Variants in TNRC6B observed in about 807,000 individuals in gnomAD.
The protein encoded by TNRC6B is trinucleotide repeat-containing gene 6B protein.
In TNRC6B, 52 loss-of-function variants were observed where a neutral mutation model predicts 203.6. The ratio of observed to expected loss-of-function variants is 0.26; its 90% CI spans 0.20 to 0.32. TNRC6B has a LOEUF of 0.32. TNRC6B is among the 10% of genes least tolerant of loss of function. The pLI is 1.00. For synonymous variants in TNRC6B, 838 were observed against 845.7 expected (o/e 0.99, Z 0.16); for missense variants, 1,923 against 2,286.2 (o/e 0.84, Z 3.24).
At chr22:40,312,681 C>A (rs772482357) in intron 18 of TNRC6B, 30 bp downstream of exon 18, 23 of 1,586,222 alleles carry the variant, frequency 1.4e-5, no homozygotes, top group Admixed American at 1.1e-4. Context: ...CTTATATGTT[C>A]AACACCCAGC....
At position 40,050,317 on chromosome 22, in the gene TNRC6B, A is replaced by G. The variant is rs372076397; in HGVS notation, c.-121+5319A>G. On this transcript the variant is annotated intron_variant, in intron 1 of 23. Transcript: ENST00000301923. ...GGTTTGGGATTTTACTTTTTATCCT[A>G]TGAGGCTCTGTGTGTTCTGGCCTCC... 3.1e-4 allele frequency among the ~76,000 whole-genome samples: 47 copies of G among 152,246 alleles called. 1 individual carries two copies. Among genetic ancestry groups the G allele is most frequent in the Middle Eastern group, 3.4e-3 (1 of 294 alleles).
At chr22:40,278,920 T>C (rs1442789157) in intron 9 of TNRC6B, among the ~76,000 whole-genome samples, 1 of 152,220 alleles carries the variant, frequency 6.6e-6, no homozygotes, top group Non-Finnish European at 1.5e-5. Context: ...TTTGTATTTT[T>C]AGTAGGGACG....
chr22:40,329,161 C>G lies in TNRC6B; in HGVS notation c.*5920C>G, dbSNP rs1275426838. The G allele has an allele frequency of 1.4e-4, 21 of 152,224 alleles. No individual in the cohort carries two copies. The highest frequency in any genetic ancestry group is 1.4e-3 in the Admixed American group (21 of 15,290). 9.4% of individuals were successfully genotyped at this position (152,224 alleles called of 1,614,324 possible). On this transcript the variant is annotated 3_prime_UTR_variant, in exon 23 of 23. Coordinates refer to ENST00000454349, the MANE Select transcript of TNRC6B (RefSeq NM_001162501.2). ...GTGTATACAATGAATTGTCAGTCTTCAGACCTCATGGTCGTTAAGAAAATA... is the reference window on the plus strand; with the variant it reads ...GTGTATACAATGAATTGTCAGTCTTGAGACCTCATGGTCGTTAAGAAAATA...
At chr22:40,060,938 AGAG>A (rs1244226385) in intron 1 of TNRC6B, among the ~76,000 whole-genome samples, 1 of 152,166 alleles carries the variant, frequency 6.6e-6, no homozygotes, top group African/African-American at 2.4e-5. Context: ...CATGGTAGGT[AGAG>A]TTTAGACACA....
chr22:40,327,071 C>G lies in TNRC6B; in HGVS notation c.*3830C>G, dbSNP rs2071412734. On this transcript the variant is annotated 3_prime_UTR_variant, in exon 23 of 23. Coordinates refer to ENST00000454349, the MANE Select transcript of TNRC6B (RefSeq NM_001162501.2). ...GGGGCCAGGGGTCAGAATTCCCAAG[C>G]ATGACCACAGCTTCTTTTAAACATT... 6.6e-6 allele frequency: 1 copy of G among 152,652 alleles called. No homozygotes were observed. Among genetic ancestry groups the G allele is most frequent in the South Asian group, 2.1e-4 (1 of 4,834 alleles). 9.5% of individuals were successfully genotyped at this position (152,652 alleles called of 1,614,324 possible). A position where few individuals can be genotyped will look rare whatever the true frequency, so the allele number is the denominator to read the frequency against.
chr22:40,116,468 A>G (rs1381908373), intron 1 of TNRC6B, among the ~76,000 whole-genome samples: 1 of 152,220 alleles, frequency 6.6e-6, no homozygotes, highest in East Asian at 1.9e-4. Context: ...TATTTACTGC[A>G]TTTACTAGCA....
rs747645040 is a variant in TNRC6B at position 40,264,732 on chromosome 22, A to T, written c.502A>T (p.Thr168Ser). The change falls in exon 5 of 23, where the codon ACT becomes TCT. Residue 168 changes from threonine (T) to serine (S), a missense_variant. Transcript: ENST00000454349. ...TGCTGCTTCAAATTATGCAAATTCC[A>T]CTTGGGGCTCGGGAGCCTCCTCCAA... Reference protein sequence around the residue: ...GAAASNYANSTWGSGASSNNG... With the variant: ...GAAASNYANSSWGSGASSNNG... 1 of 1,607,632 alleles carries T rather than the reference A, an allele frequency of 6.2e-7. No homozygotes were observed. The highest frequency in any genetic ancestry group is 1.1e-5 in the South Asian group (1 of 90,540).
chr22:40,095,566 C>G (rs1034702897), intron 1 of TNRC6B, among the ~76,000 whole-genome samples: 5 of 151,882 alleles, frequency 3.3e-5, no homozygotes, highest in African/African-American at 1.2e-4. Context: ...ACCACAATTG[C>G]CATGATTACG....
intron 1 of TNRC6B, among the ~76,000 whole-genome samples, chr22:40,236,635 T>A (rs1251609114): frequency 6.6e-6 from 1 of 152,184 alleles, no homozygotes; most frequent in African/African-American, 2.4e-5. Flanking sequence ...CATCCAGACC[T>A]TAATGGAAGG....
intron 1 of TNRC6B, among the ~76,000 whole-genome samples, chr22:40,102,819 C>T (rs1449822818): frequency 6.6e-6 from 1 of 152,124 alleles, no homozygotes; most frequent in Admixed American, 6.5e-5. Context: ...TGGCTCACAC[C>T]TGTAATCCCA....
intron 1 of TNRC6B, among the ~76,000 whole-genome samples, chr22:40,214,686 A>G (rs1042827064): frequency 4.6e-5 from 7 of 152,056 alleles, no homozygotes; most frequent in African/African-American, 1.4e-4. Context: ...TTAAGTAGCT[A>G]GAACTACAGG....
intron 1 of TNRC6B, among the ~76,000 whole-genome samples, chr22:40,064,656 C>T (rs1475226404): frequency 2.7e-5 from 4 of 147,274 alleles, no homozygotes; most frequent in East Asian, 2.0e-4. Flanking sequence ...CTCACTCTGT[C>T]GCCAGGTGGA....
intron 1 of TNRC6B, among the ~76,000 whole-genome samples, chr22:40,075,787 T>C (rs1466362065): frequency 7.2e-6 from 1 of 139,682 alleles, no homozygotes; most frequent in Non-Finnish European, 1.5e-5. Flanking sequence ...TTTATAACAG[T>C]TGCTTTATGG....
intron 1 of TNRC6B, among the ~76,000 whole-genome samples, chr22:40,221,909 G>A (rs2069715601): frequency 6.6e-6 from 1 of 152,062 alleles, no homozygotes; most frequent in Non-Finnish European, 1.5e-5. Context: ...CCATATGTGG[G>A]GGGCTTGAAT....
chr22:40,078,597 A>ATTTG (rs373049648), intron 1 of TNRC6B, among the ~76,000 whole-genome samples: 6,680 of 151,928 alleles, frequency 0.044, 440 homozygotes, highest in African/African-American at 0.14. Context: ...TTATTTATTT[A>ATTTG]TTTATTTTTT....
intron 1 of TNRC6B, among the ~76,000 whole-genome samples, chr22:40,215,836 G>A (rs956966045): frequency 6.6e-6 from 1 of 152,176 alleles, no homozygotes; most frequent in Non-Finnish European, 1.5e-5. Context: ...CTAATACCTC[G>A]TGAACAGAGC....
At chr22:40,194,653 A>G (rs1164682849) in intron 1 of TNRC6B, among the ~76,000 whole-genome samples, 1 of 152,196 alleles carries the variant, frequency 6.6e-6, no homozygotes, top group Non-Finnish European at 1.5e-5. Flanking sequence ...GTCCTTTAAT[A>G]GGAAACAAAG....
At chr22:40,055,403 C>T (rs2067785534) in intron 1 of TNRC6B, among the ~76,000 whole-genome samples, 1 of 151,952 alleles carries the variant, frequency 6.6e-6, no homozygotes, top group African/African-American at 2.4e-5. Context: ...CATGGGGGAG[C>T]GTTTTTAGTA....
chr22:40,267,147 A>G, intron 5 of TNRC6B, 111 bp downstream of exon 5: 1 of 1,136,314 alleles, frequency 8.8e-7, no homozygotes. Flanking sequence ...ATGCTTTCCT[A>G]CAGTTTCTAC....
Sources: gnomAD v4.1 joint callset for allele counts (sites outside exome capture counted in the v4.1 genomes callset) on GRCh38, gnomAD v4.1.1 for gene constraint, MANE v1.5 for transcripts, NCBI Gene and HGNC (gene_info 2026-07-23, HGNC 2026-07-21) for gene names.